The following GRM5 variants were observed in gnomAD, a reference collection of about 807,000 sequenced individuals.
The protein encoded by GRM5 is glutamate metabotropic receptor 5, also known as metabotropic glutamate receptor 5.
In GRM5, 19 loss-of-function variants were observed where a neutral mutation model predicts 83.1. The ratio of observed to expected loss-of-function variants is 0.23; its 90% CI spans 0.16 to 0.34. The LOEUF is 0.34. GRM5 is among the 10% of genes least tolerant of loss of function. GRM5 has a pLI of 1.00. For missense variants in GRM5, 1,160 were observed against 1,588.3 expected, an observed-to-expected ratio of 0.73 and a Z score of 4.58; for synonymous variants, 675 against 633.6, an observed-to-expected ratio of 1.07 and a Z score of -0.98.
intron 2 of GRM5, among the ~76,000 whole-genome samples, chr11:88,987,951 G>A (rs1181776004): frequency 5.3e-5 from 8 of 150,766 alleles, no homozygotes; most frequent in African/African-American, 9.9e-5. Flanking sequence ...AAAGCAGAGG[G>A]CCTCTCCTCC....
intron 4 of GRM5, among the ~76,000 whole-genome samples, chr11:88,622,847 C>T (rs921370355): frequency 1.3e-5 from 2 of 152,082 alleles, no homozygotes; most frequent in Non-Finnish European, 2.9e-5. Context: ...GTCATATAAC[C>T]TAGGTTTGAA....
intron 4 of GRM5, among the ~76,000 whole-genome samples, chr11:88,649,488 T>C (rs1277849664): frequency 1.4e-5 from 2 of 144,794 alleles, no homozygotes; most frequent in Non-Finnish European, 3.0e-5. Context: ...AATTTATATA[T>C]TACATATATA....
At chr11:89,035,304 C>A (rs984072085) in intron 2 of GRM5, among the ~76,000 whole-genome samples, 2 of 151,652 alleles carry the variant, frequency 1.3e-5, no homozygotes, top group African/African-American at 2.4e-5. Context: ...TTCAGTATGT[C>A]TTACTTAACT....
intron 3 of GRM5, among the ~76,000 whole-genome samples, chr11:88,834,250 G>A (rs1416129326): frequency 6.6e-6 from 1 of 151,976 alleles, no homozygotes; most frequent in African/African-American, 2.4e-5. Flanking sequence ...GTACAAATAT[G>A]TATCCATGAC....
chr11:88,653,029 A>G (rs1457189482), intron 4 of GRM5, 139 bp downstream of exon 4: 10 of 611,378 alleles, frequency 1.6e-5, no homozygotes, highest in Admixed American at 5.9e-5. Flanking sequence ...CCTGTTTATC[A>G]CCATAAGTGG....
chr11:88,603,916 C>T (rs964330676), intron 5 of GRM5, among the ~76,000 whole-genome samples: 2 of 152,190 alleles, frequency 1.3e-5, no homozygotes, highest in Non-Finnish European at 1.5e-5. Flanking sequence ...TAGAAGGGCA[C>T]TGAGAGACCA....
rs546251788 is a variant in GRM5, at chr11:88,741,956, G to A, written c.912-88553C>T. ...ACACATTTAAAACAATATGGAAGTG[G>A]CCCAGCAAGATATCTACCCCAGTAA... On this transcript the variant is annotated intron_variant, in intron 3 of 9. Coordinates refer to ENST00000305447, the MANE Select transcript of GRM5 (RefSeq NM_001143831.3). 3.4e-4 allele frequency among the ~76,000 whole-genome samples: 51 copies of A among 152,124 alleles called. 1 individual carries two copies. Among genetic ancestry groups the A allele is most frequent in the African/African-American group, 1.2e-3 (51 of 41,524 alleles).
At chr11:88,933,845 T>C (rs1440744659) in intron 2 of GRM5, among the ~76,000 whole-genome samples, 1 of 151,796 alleles carries the variant, frequency 6.6e-6, no homozygotes, top group Non-Finnish European at 1.5e-5. Flanking sequence ...GATAATAAAA[T>C]TACTCCTTTC....
At chr11:88,920,340 A>G (rs897802446) in intron 2 of GRM5, among the ~76,000 whole-genome samples, 2 of 151,384 alleles carry the variant, frequency 1.3e-5, no homozygotes, top group Admixed American at 6.6e-5. Flanking sequence ...GTATCAAATG[A>G]TGAAGAAATC....
At chr11:88,950,348 A>G (rs1590990060) in intron 2 of GRM5, among the ~76,000 whole-genome samples, 1 of 82,000 alleles carries the variant, frequency 1.2e-5, no homozygotes, top group African/African-American at 3.3e-5. Context: ...TATTTGTGAG[A>G]TAAGTGTGTG....
At chr11:88,993,621 T>A (rs1209893519) in intron 2 of GRM5, among the ~76,000 whole-genome samples, 4 of 152,178 alleles carry the variant, frequency 2.6e-5, no homozygotes, top group Admixed American at 2.0e-4. Flanking sequence ...GTAAAGGTAA[T>A]GTAATATTAT....
chr11:88,962,043 GAAACTGAGATGCATAGAT>G (rs748759191), intron 2 of GRM5, among the ~76,000 whole-genome samples: 30 of 152,300 alleles, frequency 2.0e-4, no homozygotes, highest in Non-Finnish European at 4.0e-4. Context: ...TAGAATCAAG[GAAACTGAGATGCATAGAT>G]AAACTGAGAT....
intron 3 of GRM5, among the ~76,000 whole-genome samples, chr11:88,842,730 G>C (rs1393527343): frequency 6.6e-6 from 1 of 152,002 alleles, no homozygotes; most frequent in African/African-American, 2.4e-5. Flanking sequence ...GTCCCTCAAA[G>C]ATAATTTCTT....
chr11:88,845,345 T>C (rs1257951867), intron 3 of GRM5, among the ~76,000 whole-genome samples: 1 of 151,090 alleles, frequency 6.6e-6, no homozygotes, highest in African/African-American at 2.4e-5. Flanking sequence ...CAATAAAGTA[T>C]ATTTGAATTA....
chr11:88,754,174 A>C (rs1420052741), intron 3 of GRM5, among the ~76,000 whole-genome samples: 1 of 152,158 alleles, frequency 6.6e-6, no homozygotes, highest in Admixed American at 6.5e-5. Flanking sequence ...TCAGCAAATT[A>C]ATGCAGGAAC....
chr11:88,557,745 A>G (rs981623787), intron 8 of GRM5, among the ~76,000 whole-genome samples: 1 of 146,674 alleles, frequency 6.8e-6, no homozygotes, highest in Admixed American at 6.8e-5. Flanking sequence ...ACGTGGCTTA[A>G]TCATCCTTTT....
rs187271109 is a variant in GRM5 at position 89,051,438 on chromosome 11, G to A, written c.-200-3366C>T. The stretch of plus-strand genomic sequence containing the variant: ...AAAAAATTTAATGTTGGCCAGGCGC[G>A]GTGGCTCACGCCTGTAATCCCAGCA... On this transcript the variant is annotated intron_variant, in intron 1 of 9. Transcript: ENST00000305447. Among the ~76,000 whole-genome samples, 36 of 152,182 alleles carry A rather than the reference G, an allele frequency of 2.4e-4. No individual in the cohort carries two copies. The East Asian group carries it at 5.1e-3, about 21-fold the overall frequency.
chr11:88,852,104 A>C (rs908669998), intron 2 of GRM5, among the ~76,000 whole-genome samples: 21 of 152,244 alleles, frequency 1.4e-4, no homozygotes, highest in Non-Finnish European at 2.2e-4. Flanking sequence ...ATGTGAATTT[A>C]TCGAGAATTT....
chr11:88,859,863 G>T (rs1197571954), intron 2 of GRM5, among the ~76,000 whole-genome samples: 1 of 152,094 alleles, frequency 6.6e-6, no homozygotes, highest in African/African-American at 2.4e-5. Flanking sequence ...ATGTGATTTA[G>T]CACTAAATGA....
Sources: allele counts gnomAD v4.1 joint callset (sites outside exome capture counted in the v4.1 genomes callset), GRCh38; gene constraint gnomAD v4.1.1; transcripts MANE v1.5; gene names NCBI Gene and HGNC (gene_info 2026-07-23, HGNC 2026-07-21).